The following RASSF3 variants were observed in gnomAD, a reference collection of about 807,000 sequenced individuals.
The protein encoded by RASSF3 is Ras association domain family member 3.
In RASSF3, 19 loss-of-function variants were observed where a neutral mutation model predicts 19.9. The observed-to-expected ratio is 0.96, with a 90% confidence interval of 0.67 to 1.40. The LOEUF (loss-of-function observed/expected upper bound fraction) is 1.40. Ranked by LOEUF, RASSF3 falls within the 40% of genes most tolerant of loss-of-function variation. The pLI is 0.00. For missense variants in RASSF3, 306 were observed against 289.8 expected (o/e 1.06, Z -0.41); for synonymous variants, 110 against 104.2 (o/e 1.06, Z -0.34).
chr12:64,595,380 A>G (rs898891819), intron 2 of RASSF3, among the ~76,000 whole-genome samples: 1 of 151,932 alleles, frequency 6.6e-6, no homozygotes, highest in African/African-American at 2.4e-5. Flanking sequence ...TTCATAACAA[A>G]TCTTACAAAA....
chr12:64,605,018 C>T (rs1487744340), intron 2 of RASSF3, among the ~76,000 whole-genome samples: 2 of 150,606 alleles, frequency 1.3e-5, no homozygotes, highest in Non-Finnish European at 2.9e-5. Context: ...CAGAGCCTTG[C>T]TCTGTTGCCC....
chr12:64,592,106 G>T (rs1436546352), intron 2 of RASSF3, among the ~76,000 whole-genome samples: 1 of 152,082 alleles, frequency 6.6e-6, no homozygotes, highest in African/African-American at 2.4e-5. Context: ...TCACCATGTT[G>T]CCCAGGCTGG....
chr12:64,674,875 C>T (rs569700351), intron 1 of RASSF3, among the ~76,000 whole-genome samples: 2 of 152,128 alleles, frequency 1.3e-5, no homozygotes, highest in East Asian at 1.9e-4. Flanking sequence ...ATAGTAGCAG[C>T]GGGTGGTACA....
chr12:64,561,330 CTTTAAAA>C (rs1019720184), intron 2 of RASSF3, among the ~76,000 whole-genome samples: 2 of 152,198 alleles, frequency 1.3e-5, no homozygotes, highest in Non-Finnish European at 2.9e-5. Flanking sequence ...AGAAGAGAAA[CTTTAAAA>C]TTTAAAATAA....
chr12:64,547,867 A>G (rs955665108), intron 2 of RASSF3, among the ~76,000 whole-genome samples: 1 of 152,214 alleles, frequency 6.6e-6, no homozygotes, highest in African/African-American at 2.4e-5. Flanking sequence ...TGGAAAATGT[A>G]AAAAGGTTAA....
chr12:64,570,831 G>T (rs907330732), intron 2 of RASSF3, among the ~76,000 whole-genome samples: 1 of 152,154 alleles, frequency 6.6e-6, no homozygotes, highest in African/African-American at 2.4e-5. Flanking sequence ...GCGTGGCTCC[G>T]TGAAGTGTCC....
chr12:64,585,428 A>C (rs1473691862), intron 2 of RASSF3, among the ~76,000 whole-genome samples: 1 of 152,038 alleles, frequency 6.6e-6, no homozygotes, highest in East Asian at 1.9e-4. Context: ...TCTCTCCCTG[A>C]CTGGGCACCA....
At chr12:64,547,241 CAGTCT>C (rs1869079250) in intron 2 of RASSF3, among the ~76,000 whole-genome samples, 1 of 149,672 alleles carries the variant, frequency 6.7e-6, no homozygotes, top group African/African-American at 2.5e-5. Context: ...CAGTGTACTC[CAGTCT>C]GTGTGACAGA....
chr12:64,584,502 AG>A (rs1408521087), intron 2 of RASSF3, among the ~76,000 whole-genome samples: 26 of 128,170 alleles, frequency 2.0e-4, no homozygotes, highest in South Asian at 9.7e-4. Context: ...GTCCAGGCTA[AG>A]AAAAAAAAAA....
intron 2 of RASSF3, among the ~76,000 whole-genome samples, chr12:64,564,117 C>T (rs560445657): frequency 1.3e-5 from 2 of 152,256 alleles, no homozygotes; most frequent in African/African-American, 2.4e-5. Context: ...AATCTTTTGG[C>T]TTTCAATATA....
intron 2 of RASSF3, among the ~76,000 whole-genome samples, chr12:64,558,515 G>A (rs1219836865): frequency 6.6e-6 from 1 of 152,150 alleles, no homozygotes; most frequent in Non-Finnish European, 1.5e-5. Flanking sequence ...TTCTGGGGGT[G>A]TGGTTACTTA....
exon 2 of RASSF3, chr12:64,541,603 T>C (rs964467397): frequency 2.5e-6 from 1 of 398,510 alleles, no homozygotes; most frequent in African/African-American, 2.1e-5. Context: ...TATGTCATGC[T>C]CACTGCCGAG....
rs920306020 is a variant in RASSF3 at position 64,601,889 on chromosome 12, G to A, written c.294+60184G>A. On this transcript the variant is annotated intron_variant, in intron 2 of 5. Coordinates refer to the RASSF3 transcript ENST00000637125. ...TCCCCGCACTTTGGGAGGCCGAGGCGGGCAGATCACGAGGTCAGGAGATCA... is the reference window on the plus strand; with the variant it reads ...TCCCCGCACTTTGGGAGGCCGAGGCAGGCAGATCACGAGGTCAGGAGATCA... Among the ~76,000 whole-genome samples, 7 of 152,094 alleles carry A rather than the reference G, an allele frequency of 4.6e-5. No individual in the cohort carries two copies. In the South Asian group the frequency reaches 8.3e-4, roughly 18 times the overall value.
intron 1 of RASSF3, among the ~76,000 whole-genome samples, chr12:64,648,134 C>T (rs748997640): frequency 2.0e-5 from 3 of 152,152 alleles, no homozygotes; most frequent in Non-Finnish European, 4.4e-5. Context: ...AGAATTTGTG[C>T]CTCAAATTGC....
intron 2 of RASSF3, among the ~76,000 whole-genome samples, chr12:64,579,631 G>T (rs1178647259): frequency 6.6e-6 from 1 of 151,772 alleles, no homozygotes; most frequent in African/African-American, 2.4e-5. Context: ...GATTACAGGC[G>T]TGAGCCACCG....
At chr12:64,589,757 C>G (rs763240796) in intron 2 of RASSF3, among the ~76,000 whole-genome samples, 1 of 151,902 alleles carries the variant, frequency 6.6e-6, no homozygotes, top group African/African-American at 2.4e-5. Flanking sequence ...AATCCTAGCA[C>G]TTTGGGAGGC....
At chr12:64,603,559 C>CA (rs1345869768) in intron 2 of RASSF3, among the ~76,000 whole-genome samples, 3 of 152,294 alleles carry the variant, frequency 2.0e-5, no homozygotes, top group Non-Finnish European at 2.9e-5. Context: ...GGGTTACCTC[C>CA]AGGCTCACAG....
At chr12:64,545,199 G>A (rs1014517387), downstream of RASSF3, among the ~76,000 whole-genome samples, 1 of 152,188 alleles carries the variant, frequency 6.6e-6, no homozygotes, top group Non-Finnish European at 1.5e-5. Flanking sequence ...GGATGACTTG[G>A]GAGACAGCAG....
chr12:64,566,779 T>C (rs1869438118), intron 2 of RASSF3, among the ~76,000 whole-genome samples: 1 of 152,124 alleles, frequency 6.6e-6, no homozygotes, highest in Admixed American at 6.6e-5. Flanking sequence ...TTTACTTTCC[T>C]CACCATTCTA....
Sources: gnomAD v4.1 joint callset for allele counts (sites outside exome capture counted in the v4.1 genomes callset) on GRCh38, gnomAD v4.1.1 for gene constraint, MANE v1.5 for transcripts, NCBI Gene and HGNC (gene_info 2026-07-23, HGNC 2026-07-21) for gene names.